Variants in COL22A1 observed in about 807,000 individuals in gnomAD.
COL22A1 encodes collagen type XXII alpha 1 chain, also known as collagen alpha-1(XXII) chain.
Under a neutral mutation model 248.9 loss-of-function variants are expected in COL22A1, and 221 were observed. The ratio of observed to expected loss-of-function variants is 0.89; its 90% confidence interval spans 0.80 to 0.99. The LOEUF (loss-of-function observed/expected upper bound fraction) is 0.99. Ranked by LOEUF, COL22A1 falls within the 50% of genes least tolerant of loss-of-function variation. The pLI, the probability that COL22A1 is intolerant of heterozygous loss-of-function variation, is 0.00. For missense variants in COL22A1, 2,240 were observed against 2,179.0 expected (o/e 1.03, Z -0.56); for synonymous variants, 891 against 793.4 (o/e 1.12, Z -2.07).
At chr8:138,724,690 C>A (rs10112806) in intron 24 of COL22A1, 22 bp from the exon 25 acceptor site, 812,687 of 1,607,724 alleles carry the variant, frequency 0.51, 208,529 homozygotes, top group African/African-American at 0.52. Flanking sequence ...CCACATGGAC[C>A]CTGTTAGCCT....
At chr8:138,894,898 C>T (rs933540019) in intron 1 of COL22A1, among the ~76,000 whole-genome samples, 6 of 151,634 alleles carry the variant, frequency 4.0e-5, no homozygotes, top group South Asian at 2.1e-4. Context: ...AACAAACAAA[C>T]GAAAAACCTG....
chr8:138,782,958 A>C (rs1815158320), intron 12 of COL22A1, among the ~76,000 whole-genome samples: 1 of 152,192 alleles, frequency 6.6e-6, no homozygotes, highest in Non-Finnish European at 1.5e-5. Context: ...ACAATTCAAC[A>C]GCAGAGACAA....
chr8:138,650,804 C>T (rs1183650014), intron 45 of COL22A1, among the ~76,000 whole-genome samples: 2 of 152,166 alleles, frequency 1.3e-5, no homozygotes, highest in Non-Finnish European at 1.5e-5. Flanking sequence ...CACTCAGTCA[C>T]TCACTCATTG....
intron 3 of COL22A1, among the ~76,000 whole-genome samples, chr8:138,865,686 T>C (rs756383857): frequency 2.0e-4 from 30 of 151,554 alleles, no homozygotes; most frequent in Admixed American, 8.6e-4. Context: ...TGAGTGTATG[T>C]GTGTATATGT....
chr8:138,872,266 C>T (rs6988229), intron 3 of COL22A1, among the ~76,000 whole-genome samples: 41,683 of 152,082 alleles, frequency 0.27, 7,565 homozygotes, highest in African/African-American at 0.51. Context: ...ACTATGAACA[C>T]ATCCACAACA....
chr8:138,679,831 T>C (rs1263968439), intron 39 of COL22A1, among the ~76,000 whole-genome samples, 155 bp from the exon 40 acceptor site: 1 of 152,196 alleles, frequency 6.6e-6, no homozygotes, highest in Non-Finnish European at 1.5e-5. Context: ...TAATAACCAT[T>C]TCCTGGATGC....
chr8:138,824,468 C>T (rs1013646532), intron 6 of COL22A1, among the ~76,000 whole-genome samples: 2 of 152,214 alleles, frequency 1.3e-5, no homozygotes, highest in African/African-American at 4.8e-5. Context: ...ACTATGTTCT[C>T]CTAATTTGTC....
chr8:138,808,038 G>A (rs927058515), intron 9 of COL22A1, among the ~76,000 whole-genome samples: 7 of 152,056 alleles, frequency 4.6e-5, no homozygotes, highest in South Asian at 2.1e-4. Flanking sequence ...TGCAGCTACC[G>A]GTGGACACAA....
At chr8:138,652,734 G>GTTTTTTTTT (rs1564146836) in intron 45 of COL22A1, among the ~76,000 whole-genome samples, 7 of 45,912 alleles carry the variant, frequency 1.5e-4, no homozygotes, top group South Asian at 6.9e-4. Flanking sequence ...TTCCTTTTCT[G>GTTTTTTTTT]GTTTTTTTTT....
intron 12 of COL22A1, among the ~76,000 whole-genome samples, chr8:138,794,641 A>T (rs1175064082): frequency 6.6e-6 from 1 of 152,150 alleles, no homozygotes; most frequent in African/African-American, 2.4e-5. Flanking sequence ...CCATCAGTGG[A>T]TGGATGGAAA....
intron 22 of COL22A1, among the ~76,000 whole-genome samples, chr8:138,740,478 AG>A (rs2131274203): frequency 6.6e-6 from 1 of 152,250 alleles, no homozygotes; most frequent in South Asian, 2.1e-4. Flanking sequence ...CCGCTTCCTG[AG>A]CTGACCCCAG....
intron 27 of COL22A1, among the ~76,000 whole-genome samples, chr8:138,720,026 G>A (rs1287741733): frequency 6.6e-6 from 1 of 152,110 alleles, no homozygotes; most frequent in Admixed American, 6.5e-5. Flanking sequence ...ACACACACAT[G>A]GCCCAGCAGA....
chr8:138,624,835 T>C (rs1820108431), intron 51 of COL22A1, among the ~76,000 whole-genome samples: 1 of 152,184 alleles, frequency 6.6e-6, no homozygotes, highest in African/African-American at 2.4e-5. Context: ...ACATATCAGA[T>C]ACTGTAGGAG....
chr8:138,706,252 T>A (rs992242568), intron 30 of COL22A1, among the ~76,000 whole-genome samples: 4 of 152,148 alleles, frequency 2.6e-5, no homozygotes, highest in African/African-American at 9.7e-5. Flanking sequence ...AACAAGGATA[T>A]CTAGTACTTG....
Position 138,594,022 on chromosome 8 carries a change from G to C in COL22A1, c.4610C>G (p.Pro1537Arg), listed in dbSNP as rs1753872179. 3.2e-6 allele frequency: 5 copies of C among 1,566,530 alleles called. No homozygotes were observed. The highest frequency in any genetic ancestry group is 4.3e-6 in the Non-Finnish European group (5 of 1,163,502). The change falls in exon 63 of 65, where the codon CCC becomes CGC. Residue 1537 changes from proline (P) to arginine (R), a missense_variant. Coordinates refer to ENST00000303045, the MANE Select transcript of COL22A1 (RefSeq NM_152888.3). The stretch of plus-strand genomic sequence containing the variant: ...TCCTCCAGGTCTTCACTCACCTTTG[G>C]GACCTATGGGTCCAGAGGGTCCTTC... ...GLEGPSGPIG[P>R]KGERGAKGDP...
chr8:138,682,553 G>T (rs1052583691), intron 39 of COL22A1, among the ~76,000 whole-genome samples: 1 of 152,108 alleles, frequency 6.6e-6, no homozygotes, highest in Non-Finnish European at 1.5e-5. Context: ...AATTTTCACT[G>T]GATATGGGCA....
chr8:138,762,284 C>A, intron 17 of COL22A1, 129 bp downstream of exon 17: 1 of 890,250 alleles, frequency 1.1e-6, no homozygotes, highest in Non-Finnish European at 1.8e-6. Context: ...CCTAAGCCTC[C>A]TGCAGCCTCC....
chr8:138,883,168 GC>G lies in COL22A1; in HGVS notation c.4del (p.Ala2ProfsTer227). 1 of 1,587,994 alleles carries G rather than the reference GC, an allele frequency of 6.3e-7. No individual in the cohort carries two copies. ...AGCCACAGCGTTCCCTCGGAGGCCGGCCATGGCTCTCCTGTTCTTGGGGACA... is the reference window on the plus strand; with the variant it reads ...AGCCACAGCGTTCCCTCGGAGGCCGGCATGGCTCTCCTGTTCTTGGGGACA... M[A>X]GLRGNAVAGL... On this transcript the variant is annotated frameshift_variant, in exon 2 of 65. Coordinates refer to ENST00000303045, the MANE Select transcript of COL22A1 (RefSeq NM_152888.3). LOFTEE classifies it high-confidence loss of function.
intron 35 of COL22A1, 27 bp downstream of exon 35, chr8:138,693,619 C>T (rs374179436): frequency 6.4e-6 from 10 of 1,566,998 alleles, no homozygotes; most frequent in East Asian, 2.4e-5. Context: ...GGCTCCCCCA[C>T]GAGGCAGGCC....
Sources: allele counts gnomAD v4.1 joint callset (sites outside exome capture counted in the v4.1 genomes callset), GRCh38; gene constraint gnomAD v4.1.1; transcripts MANE v1.5; gene names NCBI Gene and HGNC (gene_info 2026-07-23, HGNC 2026-07-21).